The following XYLT1 variants were observed in gnomAD, a reference collection of about 807,000 sequenced individuals.
The protein encoded by XYLT1 is xylosyltransferase 1, also known as beta-D-xylosyltransferase 1.
XYLT1 carries 36 observed loss-of-function variants against 91.3 expected under a neutral mutation model. The observed-to-expected ratio is 0.39, with a 90% CI of 0.30 to 0.52. XYLT1 has a LOEUF of 0.52. Ranked by LOEUF, XYLT1 falls within the 20% of genes least tolerant of loss-of-function variation. The probability of loss-of-function intolerance (pLI) is 0.68; values close to 1 mark genes in which losing one functional copy is unlikely to be tolerated. For missense variants in XYLT1, 1,242 were observed against 1,284.5 expected, an observed-to-expected ratio of 0.97 and a Z score of 0.51; for synonymous variants, 588 against 532.0, an observed-to-expected ratio of 1.11 and a Z score of -1.45.
rs1314367503 is a variant in XYLT1, at chr16:17,106,665, C to A, written c.*2030G>T. ...TAGCACATTCCCCACAAACTCTCTG[C>A]AGCTAGCACATTCCCCACTCACCCT... On this transcript the variant is annotated 3_prime_UTR_variant, in exon 12 of 12. Transcript: ENST00000261381. 6.6e-6 allele frequency: 1 copy of A among 152,282 alleles called. No homozygotes were observed. Among genetic ancestry groups the A allele is most frequent in the Non-Finnish European group, 1.5e-5 (1 of 68,082 alleles). The allele number at this position is 152,282 out of a possible 1,614,324, so 9.4% of individuals were successfully genotyped here.
chr16:17,156,944 C>T (rs1007024973), intron 6 of XYLT1, among the ~76,000 whole-genome samples: 3 of 147,432 alleles, frequency 2.0e-5, no homozygotes, highest in African/African-American at 5.0e-5. Flanking sequence ...TCTAGGGTTA[C>T]TTTTTTTTTT....
intron 5 of XYLT1, among the ~76,000 whole-genome samples, chr16:17,188,299 C>T (rs1444646793): frequency 6.6e-6 from 1 of 152,142 alleles, no homozygotes; most frequent in Non-Finnish European, 1.5e-5. Context: ...TTGTCACTCT[C>T]CCCTAAAACC....
chr16:17,429,932 A>ATTT (rs34434695), intron 1 of XYLT1, among the ~76,000 whole-genome samples: 14 of 119,304 alleles, frequency 1.2e-4, no homozygotes, highest in Non-Finnish European at 1.9e-4. Flanking sequence ...TCCCATAATA[A>ATTT]TTTTTTTTTT....
chr16:17,449,143 C>T (rs1424154545), intron 1 of XYLT1, among the ~76,000 whole-genome samples: 4 of 152,218 alleles, frequency 2.6e-5, no homozygotes, highest in African/African-American at 9.6e-5. Flanking sequence ...ACCCACAGAG[C>T]ATGCCCTGGG....
At chr16:17,174,287 G>T (rs147559113) in intron 5 of XYLT1, among the ~76,000 whole-genome samples, 420 of 152,282 alleles carry the variant, frequency 2.8e-3, no homozygotes, top group African/African-American at 9.3e-3. Flanking sequence ...TGAAAAGAAT[G>T]GAAAACAGGT....
At chr16:17,308,293 G>C (rs191664287) in intron 2 of XYLT1, among the ~76,000 whole-genome samples, 57 of 152,320 alleles carry the variant, frequency 3.7e-4, no homozygotes, top group Non-Finnish European at 6.2e-4. Context: ...GCAGCTCTTA[G>C]GGAACTGATT....
chr16:17,423,421 G>GTT (rs1197974494), intron 1 of XYLT1, among the ~76,000 whole-genome samples: 2 of 152,084 alleles, frequency 1.3e-5, no homozygotes, highest in African/African-American at 2.4e-5. Flanking sequence ...TAAGGCGATT[G>GTT]TTTTTTCCTC....
intron 2 of XYLT1, among the ~76,000 whole-genome samples, chr16:17,277,356 C>G (rs112211507): frequency 0.022 from 3,297 of 151,862 alleles, 56 homozygotes; most frequent in Non-Finnish European, 0.03. Flanking sequence ...TAACCCTTGT[C>G]CCCCTCTAGA....
At chr16:17,349,775 T>C (rs1168533981) in intron 2 of XYLT1, among the ~76,000 whole-genome samples, 1 of 152,028 alleles carries the variant, frequency 6.6e-6, no homozygotes, top group African/African-American at 2.4e-5. Context: ...AAATGCTTAA[T>C]TCATGTTACA....
At chr16:17,198,153 C>T in intron 5 of XYLT1, 59 bp downstream of exon 5, 1 of 1,589,408 alleles carries the variant, frequency 6.3e-7, no homozygotes, top group Non-Finnish European at 8.6e-7. Flanking sequence ...AGTTCCCAGC[C>T]ATGACCAGCC....
chr16:17,454,921 C>A (rs1178261723), intron 1 of XYLT1, among the ~76,000 whole-genome samples: 1 of 108,272 alleles, frequency 9.2e-6, no homozygotes, highest in African/African-American at 4.0e-5. Context: ...CCGCCCCCCC[C>A]CGCAACTATT....
chr16:17,353,640 C>T (rs1410033692), intron 2 of XYLT1, among the ~76,000 whole-genome samples: 1 of 152,176 alleles, frequency 6.6e-6, no homozygotes, highest in Non-Finnish European at 1.5e-5. Flanking sequence ...ATCTTTCTAT[C>T]CATCTACCCA....
At chr16:17,135,499 GACAGA>G (rs2030680362) in intron 8 of XYLT1, among the ~76,000 whole-genome samples, 2 of 149,496 alleles carry the variant, frequency 1.3e-5, no homozygotes, top group South Asian at 4.2e-4. Context: ...CAGCCTGGGT[GACAGA>G]ACAAGACTCT....
chr16:17,198,294 G>T lies in XYLT1; in HGVS notation c.1207C>A (p.Gln403Lys). ...GGASLLSTYL[Q>K]SMRDLLEMTD... ...ATCTCCAGGAGGTCCCGCATGCTCT[G>T]CAGGTAGGTGGACAGGAGGCTGGCT... is the stretch of plus-strand genomic sequence containing the variant. The change falls in exon 5 of 12, where the codon CAG becomes AAG. Residue 403 changes from glutamine to lysine, a missense_variant. Coordinates refer to ENST00000261381, the MANE Select transcript of XYLT1 (RefSeq NM_022166.4). The T allele has an allele frequency of 6.2e-7, 1 of 1,614,214 alleles. No individual in the cohort carries two copies.
At chr16:17,336,769 T>C (rs1198704958) in intron 2 of XYLT1, among the ~76,000 whole-genome samples, 2 of 152,194 alleles carry the variant, frequency 1.3e-5, no homozygotes, top group African/African-American at 2.4e-5. Context: ...GGGACTTTCG[T>C]ATGTGTGTCC....
chr16:17,374,668 T>G (rs2035574365), intron 1 of XYLT1, among the ~76,000 whole-genome samples: 1 of 151,292 alleles, frequency 6.6e-6, no homozygotes, highest in Admixed American at 6.6e-5. Flanking sequence ...AGGTGATATC[T>G]TGTAACATGA....
At chr16:17,442,529 A>AT (rs2036543860) in intron 1 of XYLT1, among the ~76,000 whole-genome samples, 2 of 152,112 alleles carry the variant, frequency 1.3e-5, no homozygotes, top group African/African-American at 4.8e-5. Context: ...TGCCCCACAT[A>AT]TTTAAGTTGA....
At chr16:17,454,425 C>A (rs1291625236) in intron 1 of XYLT1, among the ~76,000 whole-genome samples, 1 of 152,182 alleles carries the variant, frequency 6.6e-6, no homozygotes, top group Non-Finnish European at 1.5e-5. Context: ...AGGGCCCATA[C>A]AGTCTTTGTT....
intron 5 of XYLT1, among the ~76,000 whole-genome samples, chr16:17,166,674 G>C (rs940698684): frequency 1.6e-5 from 2 of 128,476 alleles, no homozygotes; most frequent in Non-Finnish European, 3.2e-5. Context: ...ACAATGTCCA[G>C]CTATTTTTTT....
Sources: gnomAD v4.1 joint callset for allele counts (sites outside exome capture counted in the v4.1 genomes callset) on GRCh38, gnomAD v4.1.1 for gene constraint, MANE v1.5 for transcripts, NCBI Gene and HGNC (gene_info 2026-07-23, HGNC 2026-07-21) for gene names.